FANCA: variants seen among roughly 807,000 people sequenced by gnomAD.
FANCA encodes FA complementation group A.
In FANCA, 236 loss-of-function variants were observed where a neutral mutation model predicts 194.3. The observed-to-expected ratio is 1.21, with a 90% CI of 1.09 to 1.35. The LOEUF is 1.35. FANCA is among the 40% of genes most tolerant of loss of function. The pLI, the probability that FANCA is intolerant of heterozygous loss-of-function variation, is 0.00. For missense variants in FANCA, 2,628 were observed against 1,813.9 expected (o/e 1.45, Z -8.15); for synonymous variants, 1,014 against 715.8 (o/e 1.42, Z -6.65).
At chr16:89,741,173 C>T (rs1212756291) in intron 37 of FANCA, among the ~76,000 whole-genome samples, 1 of 152,202 alleles carries the variant, frequency 6.6e-6, no homozygotes, top group East Asian at 1.9e-4. Flanking sequence ...TCAGCATCAT[C>T]TCCCTGCAAG....
chr16:89,784,715 G>A, intron 15 of FANCA, 139 bp downstream of exon 15: 2 of 659,016 alleles, frequency 3.0e-6, no homozygotes, highest in Non-Finnish European at 2.9e-6. Flanking sequence ...GCTTGGGGAA[G>A]GGGAAGGGGA....
At chr16:89,739,106 G>A (rs371366647) in intron 41 of FANCA, 27 bp downstream of exon 41, 147 of 1,613,882 alleles carry the variant, frequency 9.1e-5, no homozygotes, top group Admixed American at 1.2e-4. Flanking sequence ...GAGCTCCCCT[G>A]GAGGTGGGAC....
intron 21 of FANCA, among the ~76,000 whole-genome samples, chr16:89,775,082 T>G (rs1748333528): frequency 6.6e-6 from 1 of 151,246 alleles, no homozygotes; most frequent in African/African-American, 2.4e-5. Flanking sequence ...AGAGCGAGAC[T>G]CTGTCTCAAA....
rs2040749028 is a variant in FANCA, at chr16:89,808,434, G to A, written c.523-67C>T. On this transcript the variant is annotated intron_variant, in intron 5 of 42. Coordinates refer to ENST00000389301, the MANE Select transcript of FANCA (RefSeq NM_000135.4). ...ACCCCCAGCATTCTGAGTCCTTTAT[G>A]AATGCATTTTCCTACAAAATGTTCA... is the stretch of plus-strand genomic sequence containing the variant. 6 of 1,498,760 alleles carry A rather than the reference G, an allele frequency of 4.0e-6. No homozygotes were observed. The South Asian group carries it at 4.5e-5, about 11-fold the overall frequency. The allele number at this position is 1,498,760 out of a possible 1,614,324, so 92.8% of individuals were successfully genotyped here. A position where few individuals can be genotyped will look rare whatever the true frequency, so the allele number is the denominator to read the frequency against.
At chr16:89,742,967 G>A in intron 36 of FANCA, 29 bp from the exon 37 acceptor site, 1 of 1,611,800 alleles carries the variant, frequency 6.2e-7, no homozygotes, top group Non-Finnish European at 8.5e-7. Context: ...GGTCATTGCA[G>A]GGCCTTACAA....
At chr16:89,778,777 C>A in intron 20 of FANCA, 24 bp downstream of exon 20, 6 of 1,609,358 alleles carry the variant, frequency 3.7e-6, no homozygotes, top group Non-Finnish European at 5.1e-6. Flanking sequence ...AAGTAGTCAT[C>A]CCCTTCTAAC....
In FANCA at chr16:89,765,101, G is replaced by A. The variant is rs146921459; in HGVS notation, c.2602-35C>T. 8.0e-5 allele frequency: 129 copies of A among 1,605,256 alleles called. 1 individual carries two copies. The African/African-American group carries it at 1.4e-3, about 17-fold the overall frequency. ...AGAGTGACCCGGCCGTTTCTTCATTGCGCAAGTTTCACTGTGAGTGGCTGA... is the reference window on the plus strand; with the variant it reads ...AGAGTGACCCGGCCGTTTCTTCATTACGCAAGTTTCACTGTGAGTGGCTGA... On this transcript the variant is annotated intron_variant, in intron 27 of 42. Transcript: ENST00000389301.
intron 28 of FANCA, 87 bp downstream of exon 28, chr16:89,764,803 C>T: frequency 6.8e-7 from 1 of 1,478,300 alleles, no homozygotes; most frequent in African/African-American, 1.4e-5. Flanking sequence ...GAACGGTCAC[C>T]TACGTGCTGC....
In FANCA at chr16:89,764,920, G is replaced by A. The variant is rs755154360; in HGVS notation, c.2748C>T (p.Phe916=). ...CATCTTCCTCTTTCAACACCTCTCG[G>A]AAGGTTCTGTGTGTCCAGAGAGAGA... ...AALSLWTHRT[F]REVLKEEDVH... Residue 916 remains phenylalanine (F), a synonymous_variant, in exon 28 of 43, where the codon TTC becomes TTT. Transcript: ENST00000389301. The A allele has an allele frequency of 5.0e-6, 8 of 1,614,074 alleles. No homozygotes were observed. The Admixed American group carries it at 1.2e-4, about 24-fold the overall frequency.
chr16:89,771,753 C>T lies in FANCA; in HGVS notation c.2076G>A (p.Glu692=). 6.2e-7 allele frequency: 1 copy of T among 1,614,136 alleles called. No homozygotes were observed. The highest frequency in any genetic ancestry group is 8.5e-7 in the Non-Finnish European group (1 of 1,180,044). The change falls in exon 23 of 43, where the codon GAG becomes GAA. Residue 692 remains glutamate, a synonymous_variant. Coordinates refer to ENST00000389301, the MANE Select transcript of FANCA (RefSeq NM_000135.4). ...ERLRAVLGHN[E]DDSSVEISKI... ...TTGATATCTCAACGCTGCTGTCATCCTCATTGTGGCCCAGGACAGCCCTCA... is the reference window on the plus strand; with the variant it reads ...TTGATATCTCAACGCTGCTGTCATCTTCATTGTGGCCCAGGACAGCCCTCA...
chr16:89,782,272 G>C (rs927164470), intron 17 of FANCA, among the ~76,000 whole-genome samples: 3 of 151,478 alleles, frequency 2.0e-5, no homozygotes, highest in Non-Finnish European at 1.5e-5. Context: ...AGCACTTTGA[G>C]AGGCCAAGGC....
At position 89,738,411 on chromosome 16, in the gene FANCA, A is replaced by T; in HGVS notation, c.*190T>A. 7.3e-7 allele frequency: 1 copy of T among 1,371,936 alleles called. No individual in the cohort carries two copies. The highest frequency in any genetic ancestry group is 1.4e-5 in the African/African-American group (1 of 69,526). The allele number at this position is 1,371,936 out of a possible 1,614,324, so 85.0% of individuals were successfully genotyped here. ...TCAAGTAGCCTTCCTCTGCTCTGGG[A>T]CCAGTGGTTTATTTTCCCGCAAACG... On this transcript the variant is annotated 3_prime_UTR_variant, in exon 43 of 43. Transcript: ENST00000389301.
intron 3 of FANCA, 135 bp downstream of exon 3, chr16:89,814,385 G>C: frequency 1.6e-6 from 1 of 626,144 alleles, no homozygotes; most frequent in South Asian, 1.9e-5. Context: ...ACATCCCATA[G>C]AATTTGCGAC....
intron 18 of FANCA, 42 bp from the exon 19 acceptor site, chr16:89,779,045 G>T (rs377299512): frequency 6.3e-7 from 1 of 1,594,302 alleles, no homozygotes; most frequent in East Asian, 2.2e-5. Flanking sequence ...TCAGAGCAGC[G>T]AGAAGGCAAT....
intron 17 of FANCA, 73 bp from the exon 18 acceptor site, chr16:89,780,030 A>G: frequency 7.6e-7 from 1 of 1,319,650 alleles, no homozygotes; most frequent in Non-Finnish European, 1.1e-6. Context: ...TGAAGGCCAC[A>G]CTCAACCTGT....
intron 14 of FANCA, 124 bp downstream of exon 14, chr16:89,791,279 C>G: frequency 7.4e-7 from 1 of 1,344,258 alleles, no homozygotes. Flanking sequence ...CAAGGCCACT[C>G]GGCAAAGCTG....
In FANCA at chr16:89,740,867, CTG is replaced by C. The variant is rs749160648; in HGVS notation, c.3766-3_3766-2del. On this transcript the variant is annotated splice_acceptor_variant and splice_polypyrimidine_tract_variant and intron_variant, in intron 37 of 42. Transcript: ENST00000389301. LOFTEE classifies it high-confidence loss of function. ...AGAAGAAGAAAAGGAAAACCAATAG[CTG>C]TAAATAAAAACGTGCACTTATTATT... 4 of 1,611,872 alleles carry C rather than the reference CTG, an allele frequency of 2.5e-6. No homozygotes were observed. The highest frequency in any genetic ancestry group is 3.4e-6 in the Non-Finnish European group (4 of 1,178,660).
chr16:89,770,146 C>G lies in FANCA; in HGVS notation c.2316+20G>C. The G allele has an allele frequency of 1.9e-6, 3 of 1,577,032 alleles. No individual in the cohort carries two copies. Among genetic ancestry groups the G allele is most frequent in the Non-Finnish European group, 2.6e-6 (3 of 1,161,688 alleles). On this transcript the variant is annotated intron_variant, in intron 25 of 42. Transcript: ENST00000389301. ...TCAGAGTGGGCCCCCAAGGGTGGCC[C>G]CCATGAAGGAGAGCCTCACCTGGTG...
Position 89,749,878 on chromosome 16 carries a change from G to A in FANCA, c.3091C>T (p.Gln1031Ter), listed in dbSNP as rs1270910813. 2 of 1,614,182 alleles carry A rather than the reference G, an allele frequency of 1.2e-6. No homozygotes were observed. Among genetic ancestry groups the A allele is most frequent in the Non-Finnish European group, 1.7e-6 (2 of 1,180,040 alleles). The change falls in exon 32 of 43, where the codon CAG becomes TAG. Residue 1031 changes from glutamine to a stop codon, truncating the protein, a stop_gained. Coordinates refer to ENST00000389301, the MANE Select transcript of FANCA (RefSeq NM_000135.4). LOFTEE classifies it high-confidence loss of function. ...LQEMVADLEL[Q>*]QDLIVPLGHT... ...CCGAGAGGCACTATGAGGTCTTGCTGCAGCTCCAGGTCAGCTACCATCTCC... is the reference window on the plus strand; with the variant it reads ...CCGAGAGGCACTATGAGGTCTTGCTACAGCTCCAGGTCAGCTACCATCTCC...
Sources: gnomAD v4.1 joint callset for allele counts (sites outside exome capture counted in the v4.1 genomes callset) on GRCh38, gnomAD v4.1.1 for gene constraint, MANE v1.5 for transcripts, NCBI Gene and HGNC (gene_info 2026-07-23, HGNC 2026-07-21) for gene names.